Variants in NFE2 observed in about 807,000 individuals in gnomAD.
NFE2 encodes the protein nuclear factor, erythroid 2, also known as transcription factor NF-E2 45 kDa subunit.
NFE2 carries 13 observed loss-of-function variants against 25.8 expected under a neutral mutation model. That is an observed-to-expected ratio of 0.50 (90% CI 0.33 to 0.80). NFE2 has a LOEUF of 0.80. NFE2 is among the 30% of genes least tolerant of loss of function. NFE2 has a pLI of 0.02. For synonymous variants in NFE2, 204 were observed against 200.2 expected, an observed-to-expected ratio of 1.02 and a Z score of -0.16; for missense variants, 382 against 478.9, an observed-to-expected ratio of 0.80 and a Z score of 1.89.
At chr12:54,298,784 C>T (rs1944397499) in intron 1 of NFE2, among the ~76,000 whole-genome samples, 1 of 152,166 alleles carries the variant, frequency 6.6e-6, no homozygotes, top group South Asian at 2.1e-4. Flanking sequence ...GGTGTGGTGG[C>T]TCACACCTGT....
intron 1 of NFE2, 43 bp from the exon 2 acceptor site, chr12:54,295,347 G>T: frequency 2.1e-6 from 2 of 945,070 alleles, no homozygotes; most frequent in Non-Finnish European, 3.3e-6. Flanking sequence ...ACCTGCTAGG[G>T]TCAGCAAGTT....
chr12:54,293,183 G>A lies in NFE2; in HGVS notation c.313C>T (p.Pro105Ser), dbSNP rs1245844100. ...GAGAGGCTCAGTGGCTTGGAGACTG[G>A]TATGGCCATGTTGCCATAGGAGTAT... ...PPYSYGNMAI[P>S]VSKPLSLSGL... The change falls in exon 3 of 3, where the codon CCA (proline) becomes TCA (serine). Residue 105 changes from proline (P) to serine (S), a missense_variant. Physicochemically the swap from Pro to Ser is moderately conservative, Grantham distance 74. Coordinates refer to ENST00000435572, the MANE Select transcript of NFE2 (RefSeq NM_001136023.3). 1 of 1,572,878 alleles carries A rather than the reference G, an allele frequency of 6.4e-7. No homozygotes were observed. Among genetic ancestry groups the A allele is most frequent in the Non-Finnish European group, 8.6e-7 (1 of 1,157,022 alleles).
At chr12:54,293,569 G>T (rs761609506) in intron 2 of NFE2, among the ~76,000 whole-genome samples, 188 bp from the exon 3 acceptor site, 27 of 152,226 alleles carry the variant, frequency 1.8e-4, no homozygotes, top group Non-Finnish European at 3.2e-4. Context: ...GCAGCTTAAA[G>T]CCAGGAATGG....
At position 54,292,927 on chromosome 12, in the gene NFE2, G is replaced by A; in HGVS notation, c.569C>T (p.Ala190Val). The change falls in exon 3 of 3, where the codon GCC becomes GTC. Residue 190 changes from alanine (A) to valine (V), a missense_variant. Coordinates refer to ENST00000435572, the MANE Select transcript of NFE2 (RefSeq NM_001136023.3). ...YPYSLMPNSL[A>V]HSNYTLPAAE... Reference sequence around the variant, plus strand: ...AGCTGGCAAGGTATAGTTGGAGTGGGCCAAGGAGTTGGGCATGAGTGAGTA... The same window carrying A: ...AGCTGGCAAGGTATAGTTGGAGTGGACCAAGGAGTTGGGCATGAGTGAGTA... 6.2e-7 allele frequency: 1 copy of A among 1,601,570 alleles called. No individual in the cohort carries two copies.
rs765094001 is a variant in NFE2 at position 54,295,130 on chromosome 12, C to T, written c.114+5G>A. The T allele has an allele frequency of 6.2e-7, 1 of 1,611,366 alleles. No homozygotes were observed. The highest frequency in any genetic ancestry group is 1.1e-5 in the South Asian group (1 of 90,994). On this transcript the variant is annotated splice_donor_5th_base_variant and intron_variant, in intron 2 of 2. Transcript: ENST00000435572. ...GCCTCCCCTGCCCTATCCCCCCTTA[C>T]TCACCTGCAGCTCGGTGATGGACAT...
rs1170999531 is a variant in NFE2, at chr12:54,292,890, G to A, written c.606C>T (p.Pro202=). 1.4e-5 allele frequency: 22 copies of A among 1,612,108 alleles called. No individual in the cohort carries two copies. Among genetic ancestry groups the A allele is most frequent in the Non-Finnish European group, 1.9e-5 (22 of 1,178,562 alleles). ...SNYTLPAAET[P]LALEPSSGPV... The stretch of plus-strand genomic sequence containing the variant: ...GGCCTGAGGAGGGCTCTAAGGCCAA[G>A]GGGGTCTCAGCAGCTGGCAAGGTAT... Residue 202 remains proline (P), a synonymous_variant, in exon 3 of 3, where the codon CCC becomes CCT. Transcript: ENST00000435572.
At chr12:54,295,000 C>A in intron 2 of NFE2, 135 bp downstream of exon 2, 1 of 689,992 alleles carries the variant, frequency 1.4e-6, no homozygotes, top group Non-Finnish European at 2.5e-6. Context: ...GGATCTTTCC[C>A]TTCCTTTCCC....
Position 54,292,625 on chromosome 12 carries a change from T to C in NFE2, c.871A>G (p.Ile291Val), listed in dbSNP as rs1426797695. The C allele has an allele frequency of 1.2e-6, 2 of 1,614,146 alleles. No individual in the cohort carries two copies. Among genetic ancestry groups the C allele is most frequent in the Admixed American group, 1.7e-5 (1 of 60,020 alleles). ...TCCAGCTCCCGCTCCAGCTGCACAA[T>C]GGTTTCCAGCTTCCTCTTGCGGCAG... ...QNCRKRKLET[I>V]VQLERELERL... is the part of the protein sequence containing the mutation. The change falls in exon 3 of 3, where the codon ATT (isoleucine) becomes GTT (valine). Residue 291 changes from isoleucine to valine, a missense_variant. By Grantham distance (29) the Ile-to-Val change is conservative. Coordinates refer to ENST00000435572, the MANE Select transcript of NFE2 (RefSeq NM_001136023.3).
intron 1 of NFE2, 109 bp from the exon 2 acceptor site, chr12:54,295,413 G>A (rs148437456): frequency 3.4e-6 from 2 of 583,148 alleles, no homozygotes; most frequent in Non-Finnish European, 6.1e-6. Flanking sequence ...AGGAGAGACC[G>A]CCTCCTCCCC....
At chr12:54,299,317 T>C (rs1206076989) in intron 1 of NFE2, among the ~76,000 whole-genome samples, 1 of 152,126 alleles carries the variant, frequency 6.6e-6, no homozygotes, top group South Asian at 2.1e-4. Flanking sequence ...GGGAGATAGA[T>C]AGAATTGGAT....
At chr12:54,299,712 G>A (rs535909616) in intron 1 of NFE2, among the ~76,000 whole-genome samples, 1 of 152,270 alleles carries the variant, frequency 6.6e-6, no homozygotes, top group Admixed American at 6.5e-5. Context: ...GGCCTTAGCT[G>A]CTGCCCCAGG....
chr12:54,294,084 G>A (rs781756797), intron 2 of NFE2, among the ~76,000 whole-genome samples: 4 of 151,872 alleles, frequency 2.6e-5, no homozygotes, highest in Non-Finnish European at 5.9e-5. Context: ...CTAACACGGT[G>A]AAACCCCCTG....
intron 1 of NFE2, among the ~76,000 whole-genome samples, chr12:54,295,967 C>T (rs1944368455): frequency 6.6e-6 from 1 of 152,206 alleles, no homozygotes; most frequent in South Asian, 2.1e-4. Context: ...GACACTGGAC[C>T]TCTGTCCTGT....
chr12:54,299,841 A>G (rs1944406942), intron 1 of NFE2, among the ~76,000 whole-genome samples: 1 of 152,104 alleles, frequency 6.6e-6, no homozygotes, highest in African/African-American at 2.4e-5. Context: ...TGAAAGGATG[A>G]GGAGGGATTA....
At position 54,294,042 on chromosome 12, in the gene NFE2, C is replaced by T. The variant is rs551389784; in HGVS notation, c.115-661G>A. ...CAGCACTTTGGGAGGCCAAGGCGGG[C>T]GGATCACAGGATCAGATCAAGAACG... On this transcript the variant is annotated intron_variant, in intron 2 of 2. Coordinates refer to ENST00000435572, the MANE Select transcript of NFE2 (RefSeq NM_001136023.3). 1.1e-4 allele frequency among the ~76,000 whole-genome samples: 16 copies of T among 151,992 alleles called. No homozygotes were observed. The South Asian group carries it at 1.2e-3, about 12-fold the overall frequency.
chr12:54,295,035 G>A, intron 2 of NFE2, 100 bp downstream of exon 2: 2 of 908,584 alleles, frequency 2.2e-6, no homozygotes, highest in Non-Finnish European at 1.8e-6. Context: ...TACCAGCCCT[G>A]AGCCCTGCTT....
chr12:54,297,901 T>C (rs1944388460), intron 1 of NFE2: 1 of 151,962 alleles, frequency 6.6e-6, no homozygotes, highest in Non-Finnish European at 1.5e-5. Flanking sequence ...TTTACTGCCA[T>C]CCCCAGAGAT....
Position 54,292,546 on chromosome 12 carries a change from C to A in NFE2, c.950G>T (p.Arg317Leu). Residue 317 changes from arginine (R) to leucine (L), a missense_variant, in exon 3 of 3, where the codon CGG (arginine) becomes CTG (leucine). Arg to Leu is a moderately radical substitution (Grantham distance 102). Coordinates refer to ENST00000435572, the MANE Select transcript of NFE2 (RefSeq NM_001136023.3). Reference sequence around the variant, plus strand: ...CTGTTGGCGCATGACCTCCAGGGTCCGGTCTGCCTCCCCGCGGGCCCTGAG... The same window carrying A: ...CTGTTGGCGCATGACCTCCAGGGTCAGGTCTGCCTCCCCGCGGGCCCTGAG... ...RLLRARGEAD[R>L]TLEVMRQQLT... is the part of the protein sequence containing the mutation. The A allele has an allele frequency of 6.2e-7, 1 of 1,614,172 alleles. No individual in the cohort carries two copies. The highest frequency in any genetic ancestry group is 8.5e-7 in the Non-Finnish European group (1 of 1,180,044).
chr12:54,300,123 T>A (rs1045944210), intron 1 of NFE2: 1 of 152,176 alleles, frequency 6.6e-6, no homozygotes, highest in African/African-American at 2.4e-5. Flanking sequence ...GTCTAGGGGA[T>A]CCCAGCCCCA....
Sources: gnomAD v4.1 joint callset for allele counts (sites outside exome capture counted in the v4.1 genomes callset) on GRCh38, gnomAD v4.1.1 for gene constraint, MANE v1.5 for transcripts, NCBI Gene and HGNC (gene_info 2026-07-23, HGNC 2026-07-21) for gene names.